The following POMZP3 variants were observed in gnomAD, a reference collection of about 807,000 sequenced individuals.
POMZP3 encodes the protein POM121 and ZP3 fusion protein.
POMZP3 carries 10 observed loss-of-function variants against 19.8 expected under a neutral mutation model. The ratio of observed to expected loss-of-function variants is 0.51; its 90% CI spans 0.31 to 0.86. The LOEUF (loss-of-function observed/expected upper bound fraction) is 0.86. Among genes scored for constraint, POMZP3 ranks in the 40% least tolerant of loss-of-function variants. POMZP3 has a pLI of 0.04. For synonymous variants in POMZP3, 57 were observed against 85.8 expected (o/e 0.66, Z 1.85); for missense variants, 152 against 228.1 (o/e 0.67, Z 2.15).
intron 3 of POMZP3, 28 bp from the exon 4 acceptor site, chr7:76,618,328 G>A (rs374850812): frequency 8.1e-5 from 131 of 1,613,742 alleles, no homozygotes; most frequent in Non-Finnish European, 1.0e-4. Flanking sequence ...CGGTGTTAAA[G>A]CCAGACAGGT....
intron 3 of POMZP3, among the ~76,000 whole-genome samples, chr7:76,622,470 A>C (rs1629383): frequency 0.31 from 36,995 of 118,608 alleles, 5,715 homozygotes; most frequent in Middle Eastern, 0.52. Flanking sequence ...CCTCCGCCCC[A>C]CAGGTTCAAG....
chr7:76,618,771 G>C (rs953334738), intron 3 of POMZP3, among the ~76,000 whole-genome samples: 2 of 151,958 alleles, frequency 1.3e-5, no homozygotes, highest in Non-Finnish European at 2.9e-5. Context: ...AGAAGGTAGG[G>C]GGATAAGCTG....
chr7:76,622,374 G>GTTT (rs757086256), intron 3 of POMZP3, among the ~76,000 whole-genome samples: 4 of 62,806 alleles, frequency 6.4e-5, no homozygotes, highest in African/African-American at 7.5e-5. Flanking sequence ...TCATTCTCAA[G>GTTT]TTTTTTTTTT....
At chr7:76,625,811 G>A (rs2116888168) in intron 2 of POMZP3, 128 bp from the exon 3 acceptor site, 2 of 1,385,918 alleles carry the variant, frequency 1.4e-6, no homozygotes, top group Non-Finnish European at 2.0e-6. Context: ...CCCTTAGCAA[G>A]TAAAGCTACT....
In POMZP3 at chr7:76,618,323, T is replaced by G. The variant is rs182549276; in HGVS notation, c.228-23A>C. 11,834 of 1,612,802 alleles carry G rather than the reference T, an allele frequency of 7.3e-3. 102 individuals are homozygous for G. The highest frequency in any genetic ancestry group is 0.031 in the Admixed American group (1,847 of 59,960). ...CAGCTTGGAAGAAAACAGAACGGTG[T>G]TAAAGCCAGACAGGTGGGCCGGGCA... On this transcript the variant is annotated intron_variant, in intron 3 of 6. Coordinates refer to ENST00000310842, the MANE Select transcript of POMZP3 (RefSeq NM_012230.5).
intron 3 of POMZP3, among the ~76,000 whole-genome samples, chr7:76,619,041 G>A (rs1204368635): frequency 6.6e-6 from 1 of 152,108 alleles, no homozygotes; most frequent in Non-Finnish European, 1.5e-5. Context: ...TCTTGTCTCA[G>A]CCTCCTAAAG....
At chr7:76,619,366 C>T (rs1238054149) in intron 3 of POMZP3, among the ~76,000 whole-genome samples, 2 of 150,866 alleles carry the variant, frequency 1.3e-5, no homozygotes, top group African/African-American at 4.9e-5. Flanking sequence ...CCAGCCTGGG[C>T]AACAGAGTGA....
rs1029165121 is a variant in POMZP3 at position 76,618,976 on chromosome 7, T to C, written c.228-676A>G. 5.3e-4 allele frequency among the ~76,000 whole-genome samples: 81 copies of C among 152,202 alleles called. 1 individual carries two copies. Among genetic ancestry groups the C allele is most frequent in the African/African-American group, 1.7e-3 (71 of 41,560 alleles). The stretch of plus-strand genomic sequence containing the variant: ...CCGATTTTTGTATTTTTTGTCAAGA[T>C]AGGGTCTCACCATATTGCCCAAGTT... On this transcript the variant is annotated intron_variant, in intron 3 of 6. Coordinates refer to ENST00000310842, the MANE Select transcript of POMZP3 (RefSeq NM_012230.5).
At chr7:76,613,428 T>C (rs1815182725) in intron 4 of POMZP3, among the ~76,000 whole-genome samples, 1 of 130,024 alleles carries the variant, frequency 7.7e-6, no homozygotes, top group Non-Finnish European at 1.7e-5. Context: ...ATGAACCCAA[T>C]ATGAGCTCCT....
At chr7:76,616,826 A>T (rs1411798983) in intron 4 of POMZP3, among the ~76,000 whole-genome samples, 1 of 92,540 alleles carries the variant, frequency 1.1e-5, no homozygotes, top group Non-Finnish European at 2.3e-5. Flanking sequence ...ATTGCATTCC[A>T]GCCTGGACTG....
Position 76,625,651 on chromosome 7 carries a change from G to C in POMZP3, c.98C>G (p.Ser33Ter). The change falls in exon 3 of 7, where the codon TCA becomes TGA. Residue 33 changes from serine (S) to a stop codon, truncating the protein, a stop_gained. Coordinates refer to ENST00000310842, the MANE Select transcript of POMZP3 (RefSeq NM_012230.5). LOFTEE classifies it high-confidence loss of function. ...PEQIISSTLS[S>*]PSSNAPDPCA... The stretch of plus-strand genomic sequence containing the variant: ...TGGGTCTGGGGCATTACTTGATGGT[G>C]AGGACAGTGTTGAGCTGATTATCTG... 1 of 1,613,900 alleles carries C rather than the reference G, an allele frequency of 6.2e-7. No homozygotes were observed. Among genetic ancestry groups the C allele is most frequent in the Non-Finnish European group, 8.5e-7 (1 of 1,179,844 alleles).
At chr7:76,621,503 C>G (rs1249256388) in intron 3 of POMZP3, 3 of 151,114 alleles carry the variant, frequency 2.0e-5, no homozygotes, top group Admixed American at 1.3e-4. Flanking sequence ...TGAACCAGAG[C>G]AACTCCATTT....
chr7:76,615,972 T>C, intron 4 of POMZP3, among the ~76,000 whole-genome samples: 1 of 19,748 alleles, frequency 5.1e-5, no homozygotes. Flanking sequence ...AGAGACCCTC[T>C]CAAAAAAAAA....
chr7:76,611,883 C>T (rs1414266047), intron 4 of POMZP3, 70 bp from the exon 5 acceptor site: 3 of 1,516,802 alleles, frequency 2.0e-6, no homozygotes, highest in East Asian at 4.5e-5. Context: ...CACCAGTTCT[C>T]TTATAACCCT....
chr7:76,625,493 C>T (rs2527935), intron 3 of POMZP3, 29 bp downstream of exon 3: 406,842 of 1,488,548 alleles, frequency 0.27, 70,446 homozygotes, highest in Middle Eastern at 0.39. Context: ...AAGCGGGAAA[C>T]TGGCTTAGTA....
Position 76,626,939 on chromosome 7 carries a change from C to T in POMZP3, c.-383G>A, listed in dbSNP as rs1039661619. 2.2e-3 allele frequency: 3,131 copies of T among 1,406,748 alleles called. 48 individuals are homozygous for T. In the African/African-American group the frequency reaches 0.038, roughly 17 times the overall value. 87.1% of individuals were successfully genotyped at this position (1,406,748 alleles called of 1,614,324 possible). A position where few individuals can be genotyped will look rare whatever the true frequency, so the allele number is the denominator to read the frequency against. Reference sequence around the variant, plus strand: ...AGCAGTTCGGCAGGGTCAGGTCCTTCGAGCAGGGTCCGCGGCTCTAGGAGG... The same window carrying T: ...AGCAGTTCGGCAGGGTCAGGTCCTTTGAGCAGGGTCCGCGGCTCTAGGAGG... On this transcript the variant is annotated 5_prime_UTR_variant, in exon 1 of 7. Transcript: ENST00000310842.
intron 4 of POMZP3, among the ~76,000 whole-genome samples, chr7:76,616,860 A>T (rs1319393386): frequency 1.2e-5 from 1 of 85,068 alleles, no homozygotes; most frequent in Admixed American, 1.2e-4. Flanking sequence ...CAACTCAAAA[A>T]ATAAAAGCTA....
intron 3 of POMZP3, among the ~76,000 whole-genome samples, chr7:76,625,132 CAAAA>C (rs59816962): frequency 2.4e-4 from 13 of 54,350 alleles, no homozygotes; most frequent in Admixed American, 2.3e-4. Context: ...GACTCCAACT[CAAAA>C]AAAAAAAAAA....
At chr7:76,620,888 A>T (rs1402695572) in intron 3 of POMZP3, among the ~76,000 whole-genome samples, 4 of 42,190 alleles carry the variant, frequency 9.5e-5, no homozygotes, top group African/African-American at 9.1e-5. Flanking sequence ...TTTTTTTTTG[A>T]GACAGAGTCT....
Sources: gnomAD v4.1 joint callset for allele counts (sites outside exome capture counted in the v4.1 genomes callset) on GRCh38, gnomAD v4.1.1 for gene constraint, MANE v1.5 for transcripts, NCBI Gene and HGNC (gene_info 2026-07-23, HGNC 2026-07-21) for gene names.